ZDHHC14: variants seen among roughly 807,000 people sequenced by gnomAD.
ZDHHC14 encodes the protein zDHHC palmitoyltransferase 14.
ZDHHC14 carries 16 observed loss-of-function variants against 47.7 expected under a neutral mutation model. The observed-to-expected ratio is 0.34, with a 90% CI of 0.23 to 0.51. ZDHHC14 has a LOEUF of 0.51. Ranked by LOEUF, ZDHHC14 falls within the 20% of genes least tolerant of loss-of-function variation. The pLI is 0.97. For missense variants in ZDHHC14, 515 were observed against 662.5 expected, an observed-to-expected ratio of 0.78 and a Z score of 2.44; for synonymous variants, 293 against 278.9, an observed-to-expected ratio of 1.05 and a Z score of -0.50.
intron 1 of ZDHHC14, among the ~76,000 whole-genome samples, chr6:157,452,281 G>T (rs904833896): frequency 3.3e-5 from 5 of 150,368 alleles, no homozygotes; most frequent in African/African-American, 1.2e-4. Flanking sequence ...CACTTGAAAA[G>T]ACTTCAGTTT....
rs1290109694 is a variant in ZDHHC14 at position 157,462,738 on chromosome 6, A to C, written c.246-79847A>C. 2.6e-5 allele frequency among the ~76,000 whole-genome samples: 4 copies of C among 152,238 alleles called. No homozygotes were observed. In the East Asian group the frequency reaches 7.7e-4, roughly 29 times the overall value. The stretch of plus-strand genomic sequence containing the variant: ...TCGGCTCCTCACAAAGTGGGAAAAG[A>C]ATCCAGGGTTCTCTGTTTGAAGTGC... On this transcript the variant is annotated intron_variant, in intron 1 of 8. Transcript: ENST00000359775.
At chr6:157,511,450 G>C (rs376246684) in intron 1 of ZDHHC14, among the ~76,000 whole-genome samples, 1 of 151,060 alleles carries the variant, frequency 6.6e-6, no homozygotes, top group Non-Finnish European at 1.5e-5. Context: ...GTGCCATCTC[G>C]GCTCACTACA....
At chr6:157,669,035 G>A (rs1245590717) in intron 8 of ZDHHC14, among the ~76,000 whole-genome samples, 2 of 152,204 alleles carry the variant, frequency 1.3e-5, no homozygotes, top group Non-Finnish European at 2.9e-5. Flanking sequence ...GGAGCCTGAA[G>A]CATCATTAGC....
rs2114725389 is a variant in ZDHHC14, at chr6:157,381,979, G to T, written c.-43G>T. The T allele has an allele frequency of 2.6e-6, 3 of 1,137,114 alleles. No homozygotes were observed. Among genetic ancestry groups the T allele is most frequent in the Middle Eastern group, 3.6e-4 (1 of 2,764 alleles). The allele number at this position is 1,137,114 out of a possible 1,614,324, so 70.4% of individuals were successfully genotyped here. ...GGCTCGGCGGGGCCCGCGCGGCCGG[G>T]GGGCTCCTGGGGGTGTGCGCCCCCA... On this transcript the variant is annotated 5_prime_UTR_variant, in exon 1 of 9. Transcript: ENST00000359775.
chr6:157,516,664 A>G (rs1780704294), intron 1 of ZDHHC14, among the ~76,000 whole-genome samples: 1 of 152,256 alleles, frequency 6.6e-6, no homozygotes, highest in Non-Finnish European at 1.5e-5. Flanking sequence ...AAGATGCTAC[A>G]GTAATTGTGC....
intron 1 of ZDHHC14, among the ~76,000 whole-genome samples, chr6:157,420,284 G>T (rs1178358779): frequency 6.6e-6 from 1 of 150,392 alleles, no homozygotes; most frequent in African/African-American, 2.5e-5. Flanking sequence ...CATTGAAGGG[G>T]TGGGCTGAAT....
chr6:157,545,622 C>A (rs80070111), intron 2 of ZDHHC14, among the ~76,000 whole-genome samples: 11,271 of 151,346 alleles, frequency 0.074, 514 homozygotes, highest in Non-Finnish European at 0.1. Context: ...AGCTTGCAGC[C>A]GAGATCACGC....
chr6:157,592,686 G>C, intron 2 of ZDHHC14: 1 of 1,068,352 alleles, frequency 9.4e-7, no homozygotes, highest in Non-Finnish European at 1.2e-6. Flanking sequence ...CCTACAGGGA[G>C]GGGAGGGGGA....
chr6:157,641,236 C>T (rs1193986315), intron 5 of ZDHHC14, among the ~76,000 whole-genome samples: 1 of 152,122 alleles, frequency 6.6e-6, no homozygotes, highest in African/African-American at 2.4e-5. Context: ...GCACATATTA[C>T]TGTGTCTCTA....
At chr6:157,643,833 A>G (rs1375093863) in intron 5 of ZDHHC14, among the ~76,000 whole-genome samples, 2 of 151,342 alleles carry the variant, frequency 1.3e-5, no homozygotes, top group African/African-American at 2.4e-5. Context: ...CAGGTTTCAT[A>G]TGGTTCATAC....
At chr6:157,663,456 G>A (rs980379180) in intron 8 of ZDHHC14, among the ~76,000 whole-genome samples, 7 of 152,186 alleles carry the variant, frequency 4.6e-5, no homozygotes, top group African/African-American at 7.2e-5. Flanking sequence ...GCCGAACATC[G>A]ACCTTCAGGG....
chr6:157,425,768 A>G (rs1376340931), intron 1 of ZDHHC14, among the ~76,000 whole-genome samples: 1 of 152,006 alleles, frequency 6.6e-6, no homozygotes, highest in Non-Finnish European at 1.5e-5. Context: ...CTGCAGCCTC[A>G]TCTGGCCAGA....
At chr6:157,404,115 G>A (rs2250437) in intron 1 of ZDHHC14, among the ~76,000 whole-genome samples, 118,835 of 152,198 alleles carry the variant, frequency 0.78, 47,287 homozygotes, top group Middle Eastern at 0.93. Flanking sequence ...AATAGAATAC[G>A]TTGAACATGG....
chr6:157,594,245 G>T (rs553571178), intron 3 of ZDHHC14, among the ~76,000 whole-genome samples: 2 of 152,198 alleles, frequency 1.3e-5, no homozygotes, highest in African/African-American at 4.8e-5. Flanking sequence ...ATAATCTACA[G>T]TTTGCCACAA....
intron 1 of ZDHHC14, among the ~76,000 whole-genome samples, chr6:157,404,882 A>ATTAGGAG (rs1310625196): frequency 1.1e-4 from 17 of 152,214 alleles, no homozygotes; most frequent in African/African-American, 4.1e-4. Flanking sequence ...CTATTTTCTT[A>ATTAGGAG]TTAGGAGTTA....
At chr6:157,549,024 G>A (rs559297272) in intron 2 of ZDHHC14, among the ~76,000 whole-genome samples, 4 of 152,208 alleles carry the variant, frequency 2.6e-5, no homozygotes, top group Non-Finnish European at 5.9e-5. Flanking sequence ...TGCTTGGGAG[G>A]AAAGGGGTTT....
intron 8 of ZDHHC14, among the ~76,000 whole-genome samples, chr6:157,661,083 C>T (rs975841173): frequency 9.2e-5 from 14 of 151,664 alleles, no homozygotes; most frequent in African/African-American, 3.4e-4. Context: ...CAACAAAGCA[C>T]AGGCATGTGT....
chr6:157,589,703 A>T (rs2114886756), intron 2 of ZDHHC14, among the ~76,000 whole-genome samples: 1 of 152,318 alleles, frequency 6.6e-6, no homozygotes, highest in East Asian at 1.9e-4. Flanking sequence ...TAAATTACCC[A>T]GTCTCAGATA....
intron 2 of ZDHHC14, among the ~76,000 whole-genome samples, chr6:157,575,165 A>G (rs1783260877): frequency 6.6e-6 from 1 of 152,192 alleles, no homozygotes; most frequent in African/African-American, 2.4e-5. Flanking sequence ...AATTTCTTCT[A>G]CCTTGGGGGA....
Sources: allele counts gnomAD v4.1 joint callset (sites outside exome capture counted in the v4.1 genomes callset), GRCh38; gene constraint gnomAD v4.1.1; transcripts MANE v1.5; gene names NCBI Gene and HGNC (gene_info 2026-07-23, HGNC 2026-07-21).